PACRG: variants seen among roughly 807,000 people sequenced by gnomAD.
The protein encoded by PACRG is parkin coregulated gene protein.
Under a neutral mutation model 29.7 loss-of-function variants are expected in PACRG, and 29 were observed. The ratio of observed to expected loss-of-function variants is 0.98; its 90% CI spans 0.73 to 1.33. PACRG has a LOEUF of 1.33. Ranked by LOEUF, PACRG falls within the 40% of genes most tolerant of loss-of-function variation. The probability of loss-of-function intolerance (pLI) is 0.00; values close to 1 mark genes in which losing one functional copy is unlikely to be tolerated. For synonymous variants in PACRG, 116 were observed against 118.7 expected (o/e 0.98, Z 0.15); for missense variants, 279 against 316.2 (o/e 0.88, Z 0.89).
At chr6:163,122,371 C>T (rs972015539) in intron 4 of PACRG, among the ~76,000 whole-genome samples, 36 of 152,094 alleles carry the variant, frequency 2.4e-4, no homozygotes, top group African/African-American at 7.5e-4. Context: ...GTGACCCCTC[C>T]GAATCGCTTG....
upstream of PACRG, chr6:162,727,682 G>A: frequency 6.3e-7 from 1 of 1,576,424 alleles, no homozygotes. Context: ...CACTGGGTAG[G>A]TGGCGGCTGC....
chr6:163,291,926 A>T (rs1477032212), intron 4 of PACRG, among the ~76,000 whole-genome samples: 1 of 152,192 alleles, frequency 6.6e-6, no homozygotes, highest in Non-Finnish European at 1.5e-5. Context: ...ATTGGCCTGA[A>T]GCCCATCACG....
intron 4 of PACRG, among the ~76,000 whole-genome samples, chr6:163,257,962 T>G (rs1469203361): frequency 6.6e-6 from 1 of 152,206 alleles, no homozygotes; most frequent in African/African-American, 2.4e-5. Context: ...TTCCGCTGAT[T>G]CCTCTGCACA....
At chr6:162,876,743 G>C (rs561551881) in intron 2 of PACRG, among the ~76,000 whole-genome samples, 4 of 152,300 alleles carry the variant, frequency 2.6e-5, no homozygotes, top group Admixed American at 2.6e-4. Flanking sequence ...TTTGGCTTTT[G>C]TTGCCATTGC....
chr6:162,844,199 C>A (rs1168857682), intron 2 of PACRG, among the ~76,000 whole-genome samples: 1 of 151,020 alleles, frequency 6.6e-6, no homozygotes, highest in African/African-American at 2.4e-5. Context: ...CCCCCAGCCT[C>A]GCTGCCGCCT....
At chr6:163,062,384 A>T (rs950613238) in intron 3 of PACRG, 63 bp downstream of exon 3, 56 of 1,491,876 alleles carry the variant, frequency 3.8e-5, no homozygotes, top group Non-Finnish European at 3.2e-5. Context: ...ACAACTTGCT[A>T]ATTAAGCAAT....
intron 4 of PACRG, among the ~76,000 whole-genome samples, chr6:163,214,875 G>A (rs1295584117): frequency 6.6e-6 from 1 of 152,060 alleles, no homozygotes; most frequent in Non-Finnish European, 1.5e-5. Context: ...GTATGTTTTA[G>A]CATTTTATCA....
chr6:162,769,779 A>G lies in PACRG; in HGVS notation c.156+41388A>G, dbSNP rs576776528. Among the ~76,000 whole-genome samples the G allele has an allele frequency of 2.6e-5, 4 of 150,970 alleles. No homozygotes were observed. In the South Asian group the frequency reaches 8.4e-4, roughly 32 times the overall value. ...AAGAAGGTTAGCAAAAAAAAAAAAG[A>G]AAAGAAAACTTATCAAAAGACTTTT... On this transcript the variant is annotated intron_variant, in intron 1 of 4. Transcript: ENST00000366888.
chr6:162,911,727 G>T (rs77261167), intron 2 of PACRG, among the ~76,000 whole-genome samples: 2 of 152,128 alleles, frequency 1.3e-5, no homozygotes, highest in Admixed American at 1.3e-4. Context: ...CATTCAAAGA[G>T]GGTTTATTTA....
At chr6:163,231,343 A>G (rs1413614017) in intron 4 of PACRG, among the ~76,000 whole-genome samples, 1 of 152,210 alleles carries the variant, frequency 6.6e-6, no homozygotes, top group East Asian at 1.9e-4. Context: ...AGTCTGTGTC[A>G]TGTTAATCAC....
intron 2 of PACRG, among the ~76,000 whole-genome samples, chr6:163,029,033 ACAAT>A (rs1316745065): frequency 6.6e-6 from 1 of 152,228 alleles, no homozygotes. Flanking sequence ...CAACAGGAGC[ACAAT>A]CTCTAGTCCT....
At chr6:163,156,715 A>G (rs1220204993) in intron 4 of PACRG, among the ~76,000 whole-genome samples, 5 of 152,220 alleles carry the variant, frequency 3.3e-5, no homozygotes, top group African/African-American at 1.2e-4. Context: ...CGAGGTATCT[A>G]CAGAACCGTG....
chr6:163,281,435 A>G (rs1438749759), intron 4 of PACRG, among the ~76,000 whole-genome samples: 2 of 152,242 alleles, frequency 1.3e-5, no homozygotes, highest in Admixed American at 1.3e-4. Context: ...GCTGTACCTT[A>G]GAAAGGGTAA....
intron 2 of PACRG, among the ~76,000 whole-genome samples, chr6:162,918,067 T>C (rs912518129): frequency 6.6e-6 from 1 of 152,190 alleles, no homozygotes. Context: ...AGATTCTATA[T>C]AGCATTTTTA....
chr6:163,197,797 A>G (rs1780539662), intron 4 of PACRG, among the ~76,000 whole-genome samples: 1 of 152,078 alleles, frequency 6.6e-6, no homozygotes, highest in Non-Finnish European at 1.5e-5. Flanking sequence ...CTTCCATTTT[A>G]AGGGAATTGA....
chr6:163,266,677 C>T (rs1295832319), intron 4 of PACRG, among the ~76,000 whole-genome samples: 1 of 152,172 alleles, frequency 6.6e-6, no homozygotes, highest in East Asian at 1.9e-4. Flanking sequence ...TGTATTACCT[C>T]TCAATCTTCA....
chr6:163,274,861 C>CTTTTTTTTTTTTTTTTTTTTTTTTTTTTT (rs58333018), intron 4 of PACRG, among the ~76,000 whole-genome samples: 1 of 126,324 alleles, frequency 7.9e-6, no homozygotes, highest in African/African-American at 3.0e-5. Context: ...TTCTTTCTTT[C>CTTTTTTTTTTTTTTTTTTTTTTTTTTTTT]TTTTTTTTTT....
chr6:163,193,770 A>G (rs566965060), intron 4 of PACRG, among the ~76,000 whole-genome samples: 1 of 152,290 alleles, frequency 6.6e-6, no homozygotes, highest in South Asian at 2.1e-4. Flanking sequence ...GTATTCCTAA[A>G]AGTAATTCAA....
At chr6:163,077,411 C>T (rs915148679) in intron 3 of PACRG, among the ~76,000 whole-genome samples, 17 of 152,040 alleles carry the variant, frequency 1.1e-4, no homozygotes, top group South Asian at 2.1e-4. Flanking sequence ...AAAGGGCAGG[C>T]GTGCACAGAC....
Sources: gnomAD v4.1 joint callset for allele counts (sites outside exome capture counted in the v4.1 genomes callset) on GRCh38, gnomAD v4.1.1 for gene constraint, MANE v1.5 for transcripts, NCBI Gene and HGNC (gene_info 2026-07-23, HGNC 2026-07-21) for gene names.